RNF150: variants seen among roughly 807,000 people sequenced by gnomAD.
RNF150 encodes ring finger protein 150.
A neutral mutation model predicts 39.3 loss-of-function variants in RNF150; 24 were observed. That is an observed-to-expected ratio of 0.61 (90% CI 0.44 to 0.86). The LOEUF is 0.86. RNF150 is among the 40% of genes least tolerant of loss of function. The pLI, the probability that RNF150 is intolerant of heterozygous loss-of-function variation, is 0.00. For missense variants in RNF150, 502 were observed against 587.8 expected (o/e 0.85, Z 1.51); for synonymous variants, 255 against 227.3 (o/e 1.12, Z -1.10).
rs552861490 is a variant in RNF150 at position 141,056,760 on chromosome 4, G to A, written c.484+75565C>T. 4.7e-4 allele frequency among the ~76,000 whole-genome samples: 71 copies of A among 152,034 alleles called. 3 individuals are homozygous for A. In the South Asian group the frequency reaches 0.015, roughly 31 times the overall value. On this transcript the variant is annotated intron_variant, in intron 1 of 6. Coordinates refer to ENST00000515673, the MANE Select transcript of RNF150 (RefSeq NM_020724.2). ...TCAGCTTCTTCCCCTTCCCATCTGG[G>A]AGCCCTGGTCTCAGGACTAGGTTAG...
intron 1 of RNF150, among the ~76,000 whole-genome samples, chr4:141,001,617 G>A (rs182720381): frequency 1.3e-5 from 2 of 152,030 alleles, no homozygotes; most frequent in Admixed American, 1.3e-4. Flanking sequence ...AAAACCATGT[G>A]CTTACATCTA....
At chr4:141,123,473 C>A (rs966938215) in intron 1 of RNF150, among the ~76,000 whole-genome samples, 1 of 152,212 alleles carries the variant, frequency 6.6e-6, no homozygotes. Flanking sequence ...TTCTATACAT[C>A]TCCGGAATGC....
intron 1 of RNF150, among the ~76,000 whole-genome samples, chr4:141,140,629 G>C (rs148673766): frequency 6.6e-6 from 1 of 150,668 alleles, no homozygotes; most frequent in Non-Finnish European, 1.5e-5. Context: ...GTCCTTTTTC[G>C]CCAAAAAGCT....
At position 140,866,715 on chromosome 4, in the gene RNF150, A is replaced by C. The variant is rs1252841175; in HGVS notation, c.*1546T>G. The C allele has an allele frequency of 6.6e-6, 1 of 152,190 alleles. No individual in the cohort carries two copies. The highest frequency in any genetic ancestry group is 1.5e-5 in the Non-Finnish European group (1 of 68,038). The allele number at this position is 152,190 out of a possible 1,614,324, so 9.4% of individuals were successfully genotyped here. On this transcript the variant is annotated 3_prime_UTR_variant, in exon 7 of 7. Coordinates refer to ENST00000515673, the MANE Select transcript of RNF150 (RefSeq NM_020724.2). Reference sequence around the variant, plus strand: ...AAGTCCCCATCAATACATAAAAACAACTCAGTGAGAAAAGCTTTCTTTCCT... The same window carrying C: ...AAGTCCCCATCAATACATAAAAACACCTCAGTGAGAAAAGCTTTCTTTCCT...
At chr4:141,101,242 G>A (rs1347952093) in intron 1 of RNF150, among the ~76,000 whole-genome samples, 1 of 151,946 alleles carries the variant, frequency 6.6e-6, no homozygotes, top group African/African-American at 2.4e-5. Flanking sequence ...AACACATGTT[G>A]TACAGCTGTA....
At chr4:141,147,992 TGGTAACATCC>T (rs1727230395) in intron 1 of RNF150, among the ~76,000 whole-genome samples, 1 of 152,182 alleles carries the variant, frequency 6.6e-6, no homozygotes, top group Non-Finnish European at 1.5e-5. Flanking sequence ...ATATATTGGT[TGGTAACATCC>T]TTAAAATATT....
chr4:141,174,168 A>G (rs1176295025), intron 1 of RNF150, among the ~76,000 whole-genome samples: 1 of 152,244 alleles, frequency 6.6e-6, no homozygotes, highest in Non-Finnish European at 1.5e-5. Context: ...GCTAGCTGTG[A>G]CCACTTGACT....
At chr4:141,012,948 T>C (rs1735129878) in intron 1 of RNF150, among the ~76,000 whole-genome samples, 1 of 152,128 alleles carries the variant, frequency 6.6e-6, no homozygotes, top group Non-Finnish European at 1.5e-5. Context: ...TCATGCTCCC[T>C]AATTTTCATC....
At chr4:141,188,914 G>A (rs1728059087) in intron 1 of RNF150, among the ~76,000 whole-genome samples, 1 of 152,114 alleles carries the variant, frequency 6.6e-6, no homozygotes, top group Non-Finnish European at 1.5e-5. Context: ...CCAGTTTTTT[G>A]CCCTTGCTGG....
chr4:141,194,494 A>G (rs1180891139), intron 1 of RNF150, among the ~76,000 whole-genome samples: 2 of 152,164 alleles, frequency 1.3e-5, no homozygotes, highest in Admixed American at 1.3e-4. Context: ...TTTCCATAAT[A>G]ATGTCAACTT....
chr4:141,131,240 G>A (rs1726884847), intron 1 of RNF150, among the ~76,000 whole-genome samples: 1 of 152,234 alleles, frequency 6.6e-6, no homozygotes, highest in South Asian at 2.1e-4. Flanking sequence ...GGTTTTTAAA[G>A]AAAATAATGC....
chr4:141,011,234 C>T (rs1451786510), intron 1 of RNF150, among the ~76,000 whole-genome samples: 2 of 151,982 alleles, frequency 1.3e-5, no homozygotes, highest in African/African-American at 2.4e-5. Context: ...ATTTTTATCT[C>T]ATTCAGACTA....
At chr4:141,178,282 G>A (rs1273694232) in intron 1 of RNF150, among the ~76,000 whole-genome samples, 2 of 151,910 alleles carry the variant, frequency 1.3e-5, no homozygotes, top group Non-Finnish European at 1.5e-5. Context: ...GCACACACAT[G>A]CTATTTTCTC....
intron 1 of RNF150, among the ~76,000 whole-genome samples, chr4:141,050,837 G>A (rs897738512): frequency 1.3e-5 from 2 of 152,188 alleles, no homozygotes; most frequent in Non-Finnish European, 2.9e-5. Context: ...CTCAGGTCTG[G>A]AGAATAGCAA....
chr4:140,969,593 T>C (rs1178644012), intron 1 of RNF150, among the ~76,000 whole-genome samples: 1 of 151,898 alleles, frequency 6.6e-6, no homozygotes, highest in Non-Finnish European at 1.5e-5. Context: ...CTATTTAGAG[T>C]TACTGAAGTA....
chr4:141,152,200 A>G (rs563774590), intron 1 of RNF150, among the ~76,000 whole-genome samples: 58 of 152,370 alleles, frequency 3.8e-4, no homozygotes, highest in African/African-American at 1.3e-3. Flanking sequence ...GGATTCATCA[A>G]CGGGTGAGAT....
chr4:140,912,420 A>G (rs1363935789), intron 5 of RNF150, among the ~76,000 whole-genome samples: 1 of 152,166 alleles, frequency 6.6e-6, no homozygotes, highest in African/African-American at 2.4e-5. Flanking sequence ...CATGGTTTAC[A>G]CTCCCAAAGT....
chr4:141,059,084 C>G (rs1737108331), intron 1 of RNF150, among the ~76,000 whole-genome samples: 1 of 152,154 alleles, frequency 6.6e-6, no homozygotes, highest in Non-Finnish European at 1.5e-5. Context: ...TATTTTGCCC[C>G]TATCCTGTAT....
intron 1 of RNF150, among the ~76,000 whole-genome samples, chr4:141,024,113 C>T: frequency 6.6e-6 from 1 of 152,116 alleles, no homozygotes; most frequent in East Asian, 1.9e-4. Context: ...TGGTCCTAAG[C>T]AACTGAGAAG....
Sources: allele counts gnomAD v4.1 joint callset (sites outside exome capture counted in the v4.1 genomes callset), GRCh38; gene constraint gnomAD v4.1.1; transcripts MANE v1.5; gene names NCBI Gene and HGNC (gene_info 2026-07-23, HGNC 2026-07-21).